The following SLC39A11 variants were observed in gnomAD, a reference collection of about 807,000 sequenced individuals.
SLC39A11 encodes the protein zinc transporter ZIP11.
SLC39A11 carries 33 observed loss-of-function variants against 36.1 expected under a neutral mutation model. That is an observed-to-expected ratio of 0.91 (90% CI 0.69 to 1.22). The LOEUF is 1.22. Among genes scored for constraint, SLC39A11 ranks in the 50% most tolerant of loss-of-function variants. The pLI, the probability that SLC39A11 is intolerant of heterozygous loss-of-function variation, is 0.00. For synonymous variants in SLC39A11, 166 were observed against 170.3 expected, an observed-to-expected ratio of 0.97 and a Z score of 0.20; for missense variants, 432 against 430.3, an observed-to-expected ratio of 1.00 and a Z score of -0.03.
Position 72,648,931 on chromosome 17 carries a change from G to T in SLC39A11, c.801C>A (p.Pro267=). Residue 267 remains proline, a synonymous_variant, in exon 9 of 10, where the codon CCC becomes CCA. Coordinates refer to ENST00000255559, the MANE Select transcript of SLC39A11 (RefSeq NM_139177.4). ...CAAAGGCACCAAAGACCCCGGCCAG[G>T]GGCTCCACCATGCCGCTCAGCTGCC... ...WYGQLSGMVE[P]LAGVFGAFAV... The T allele has an allele frequency of 6.2e-7, 1 of 1,613,746 alleles. No homozygotes were observed.
At chr17:72,820,746 G>T (rs2077744502) in intron 6 of SLC39A11, among the ~76,000 whole-genome samples, 1 of 151,076 alleles carries the variant, frequency 6.6e-6, no homozygotes, top group African/African-American at 2.4e-5. Context: ...CCTGGAGCTG[G>T]GTGCTAACGG....
chr17:73,047,985 AAAAAAATATATATATATATATATATATAT>A (rs1568185369), intron 3 of SLC39A11, among the ~76,000 whole-genome samples: 2 of 53,500 alleles, frequency 3.7e-5, no homozygotes, highest in South Asian at 6.6e-4. Flanking sequence ...AAAAAAAAAA[AAAAAAATATATATATATATATATATATAT>A]ATATATATAT....
chr17:73,052,360 A>G (rs911479180), intron 3 of SLC39A11, among the ~76,000 whole-genome samples: 5 of 152,182 alleles, frequency 3.3e-5, no homozygotes, highest in Non-Finnish European at 5.9e-5. Context: ...AAAACCTAAA[A>G]CTGCAAAAAC....
chr17:72,906,071 T>A (rs906640471), intron 5 of SLC39A11, among the ~76,000 whole-genome samples: 15 of 152,120 alleles, frequency 9.9e-5, no homozygotes, highest in Non-Finnish European at 1.2e-4. Flanking sequence ...CCCCAACTCT[T>A]GACGCTCTTT....
At chr17:72,759,594 A>G (rs932656843) in intron 6 of SLC39A11, among the ~76,000 whole-genome samples, 1 of 152,260 alleles carries the variant, frequency 6.6e-6, no homozygotes, top group African/African-American at 2.4e-5. Context: ...TAATGAATTT[A>G]TGCAATCTTA....
intron 5 of SLC39A11, among the ~76,000 whole-genome samples, chr17:72,852,329 C>T (rs934338137): frequency 2.6e-5 from 4 of 152,002 alleles, no homozygotes; most frequent in Non-Finnish European, 5.9e-5. Context: ...TCACTCCTCC[C>T]CAGCTCCCAA....
At chr17:73,023,350 G>A (rs186530807) in intron 4 of SLC39A11, among the ~76,000 whole-genome samples, 75 of 152,274 alleles carry the variant, frequency 4.9e-4, no homozygotes, top group African/African-American at 1.7e-3. Flanking sequence ...GAAAATCAAC[G>A]TTTTAAACTG....
At chr17:73,036,839 CAT>C (rs2058934543) in intron 3 of SLC39A11, among the ~76,000 whole-genome samples, 1 of 152,146 alleles carries the variant, frequency 6.6e-6, no homozygotes, top group South Asian at 2.1e-4. Flanking sequence ...ATTACTGTAT[CAT>C]ATACTTTCAC....
chr17:72,967,925 T>G (rs1038308475), intron 4 of SLC39A11, among the ~76,000 whole-genome samples: 6 of 152,088 alleles, frequency 3.9e-5, no homozygotes, highest in Non-Finnish European at 7.4e-5. Context: ...TTTTCCACCC[T>G]CGGTTGTTAC....
chr17:73,018,915 A>G (rs537986869), intron 4 of SLC39A11, among the ~76,000 whole-genome samples: 4 of 152,174 alleles, frequency 2.6e-5, no homozygotes, highest in Non-Finnish European at 5.9e-5. Flanking sequence ...CAAAATGCTA[A>G]AAACTAATGA....
intron 5 of SLC39A11, among the ~76,000 whole-genome samples, chr17:72,867,479 G>T (rs534579300): frequency 6.6e-6 from 1 of 152,106 alleles, no homozygotes; most frequent in Non-Finnish European, 1.5e-5. Flanking sequence ...CAGCCTGGGC[G>T]ACTGCGTGAG....
chr17:73,017,429 C>T (rs1049203969), intron 4 of SLC39A11, among the ~76,000 whole-genome samples: 4 of 151,796 alleles, frequency 2.6e-5, no homozygotes, highest in African/African-American at 9.7e-5. Flanking sequence ...ATTCAGGATG[C>T]TGGCCAGGAG....
At chr17:72,676,102 A>ACACACACACACACACACT (rs869131230) in intron 7 of SLC39A11, among the ~76,000 whole-genome samples, 1 of 151,006 alleles carries the variant, frequency 6.6e-6, no homozygotes, top group East Asian at 1.9e-4. Context: ...ACACACACAC[A>ACACACACACACACACACT]CTTGCTGTAT....
chr17:72,844,029 CA>C (rs200582389), intron 6 of SLC39A11, among the ~76,000 whole-genome samples: 66 of 148,606 alleles, frequency 4.4e-4, no homozygotes, highest in Admixed American at 6.0e-4. Context: ...CAAAAAACTT[CA>C]AAAAAAAAAA....
At chr17:73,020,069 T>C (rs1490554268) in intron 4 of SLC39A11, among the ~76,000 whole-genome samples, 3 of 152,220 alleles carry the variant, frequency 2.0e-5, no homozygotes, top group Non-Finnish European at 2.9e-5. Flanking sequence ...TCTAGAAAAG[T>C]GTCCATTTCG....
intron 6 of SLC39A11, among the ~76,000 whole-genome samples, chr17:72,784,141 T>A (rs1177273825): frequency 6.6e-6 from 1 of 152,066 alleles, no homozygotes; most frequent in East Asian, 1.9e-4. Flanking sequence ...GGTCAGGAGT[T>A]CGAGACCAGC....
intron 4 of SLC39A11, among the ~76,000 whole-genome samples, chr17:72,957,500 G>A (rs1050780614): frequency 6.6e-6 from 1 of 152,176 alleles, no homozygotes; most frequent in East Asian, 1.9e-4. Flanking sequence ...TACATTCTTA[G>A]AGGTCTGAAA....
At chr17:72,832,093 C>T (rs541692228) in intron 6 of SLC39A11, among the ~76,000 whole-genome samples, 3 of 152,228 alleles carry the variant, frequency 2.0e-5, no homozygotes, top group South Asian at 2.1e-4. Flanking sequence ...GAAATGGGAT[C>T]GAGCGTATAA....
At chr17:73,050,085 C>T (rs1364724001) in intron 3 of SLC39A11, among the ~76,000 whole-genome samples, 1 of 152,134 alleles carries the variant, frequency 6.6e-6, no homozygotes, top group Admixed American at 6.5e-5. Context: ...TGCACCACTG[C>T]ACTCCAGCTT....
Sources: allele counts gnomAD v4.1 joint callset (sites outside exome capture counted in the v4.1 genomes callset), GRCh38; gene constraint gnomAD v4.1.1; transcripts MANE v1.5; gene names NCBI Gene and HGNC (gene_info 2026-07-23, HGNC 2026-07-21).